The following PRSS57 variants were observed in gnomAD, a reference collection of about 807,000 sequenced individuals.
PRSS57 encodes serine protease 57, also known as neutrophil serine protease 4.
PRSS57 carries 19 observed loss-of-function variants against 20.6 expected under a neutral mutation model. The ratio of observed to expected loss-of-function variants is 0.92; its 90% CI spans 0.64 to 1.35. The LOEUF (loss-of-function observed/expected upper bound fraction) is 1.35, where lower values mean the gene tolerates loss of function less well. Ranked by LOEUF, PRSS57 falls within the 40% of genes most tolerant of loss-of-function variation. PRSS57 has a pLI of 0.00. For missense variants in PRSS57, 440 were observed against 403.7 expected (o/e 1.09, Z -0.77); for synonymous variants, 203 against 176.6 (o/e 1.15, Z -1.19).
intron 2 of PRSS57, among the ~76,000 whole-genome samples, chr19:693,432 G>A (rs928755696): frequency 5.9e-5 from 9 of 152,000 alleles, no homozygotes; most frequent in African/African-American, 1.2e-4. Context: ...TGGGGGTGAC[G>A]GCTGCCCGTC....
At chr19:694,250 A>G (rs1048065019) in intron 2 of PRSS57, among the ~76,000 whole-genome samples, 1 of 151,616 alleles carries the variant, frequency 6.6e-6, no homozygotes, top group South Asian at 2.1e-4. Flanking sequence ...CCCAATATAC[A>G]TTTTAATAGT....
Position 691,924 on chromosome 19 carries a change from G to A in PRSS57, c.312C>T (p.Ile104=), listed in dbSNP as rs575140160. 36 of 1,336,946 alleles carry A rather than the reference G, an allele frequency of 2.7e-5. No homozygotes were observed. Among genetic ancestry groups the A allele is most frequent in the Admixed American group, 1.5e-4 (5 of 32,996 alleles). The allele number at this position is 1,336,946 out of a possible 1,614,324, so 82.8% of individuals were successfully genotyped here. A position where few individuals can be genotyped will look rare whatever the true frequency, so the allele number is the denominator to read the frequency against. ...TAEPTQQVFG[I]DALTTHPDYH... The stretch of plus-strand genomic sequence containing the variant: ...AGTCGGGGTGTGTGGTGAGAGCATC[G>A]ATGCCAAACACCTGCTGGGTGGGCT... The change falls in exon 3 of 5, where the codon ATC becomes ATT. Residue 104 remains isoleucine (I), a synonymous_variant. Transcript: ENST00000329267.
chr19:694,384 A>G (rs1369322062), intron 2 of PRSS57, among the ~76,000 whole-genome samples: 1 of 151,798 alleles, frequency 6.6e-6, no homozygotes, highest in Non-Finnish European at 1.5e-5. Flanking sequence ...CCTGGCCAAC[A>G]TGGTGAAATC....
intron 2 of PRSS57, among the ~76,000 whole-genome samples, chr19:693,113 A>G (rs1316090241): frequency 6.6e-6 from 1 of 150,662 alleles, no homozygotes; most frequent in Admixed American, 6.6e-5. Context: ...ATTTTTTTTT[A>G]GTAGAGACAG....
In PRSS57 at chr19:693,229, C is replaced by CTTTTTTTTTTTTTTTT. The variant is rs1171032187; in HGVS notation, c.234-1228_234-1227insAAAAAAAAAAAAAAAA. 1.0e-4 allele frequency among the ~76,000 whole-genome samples: 11 copies of CTTTTTTTTTTTTTTTT among 109,128 alleles called. 5 individuals are homozygous for CTTTTTTTTTTTTTTTT. Among genetic ancestry groups the CTTTTTTTTTTTTTTTT allele is most frequent in the Non-Finnish European group, 1.1e-4 (6 of 54,488 alleles). 71.6% of individuals were successfully genotyped at this position (109,128 alleles called of 152,430 possible). ...TACAGGCGTGAGCCACCGCACCCGGCCTTTTTTTTTTTTTTTTTTTTGAGA... is the reference window on the plus strand; with the variant it reads ...TACAGGCGTGAGCCACCGCACCCGGCTTTTTTTTTTTTTTTTCTTTTTTTTTTTTTTTTTTTTGAGA... On this transcript the variant is annotated intron_variant, in intron 2 of 4. Transcript: ENST00000329267.
At chr19:688,344 C>CTTTT (rs370305351) in intron 3 of PRSS57, among the ~76,000 whole-genome samples, 1 of 143,526 alleles carries the variant, frequency 7.0e-6, no homozygotes, top group Non-Finnish European at 1.5e-5. Flanking sequence ...GCTCCTCCTC[C>CTTTT]TTTTTTTTTT....
At chr19:695,156 G>A (rs916500909) in intron 1 of PRSS57, among the ~76,000 whole-genome samples, 189 bp from the exon 2 acceptor site, 4 of 152,146 alleles carry the variant, frequency 2.6e-5, no homozygotes, top group African/African-American at 9.6e-5. Context: ...TCCCGAGCCC[G>A]GGAGATCCAG....
chr19:692,294 G>A (rs1326046625), intron 2 of PRSS57, among the ~76,000 whole-genome samples: 2 of 151,844 alleles, frequency 1.3e-5, no homozygotes, highest in African/African-American at 4.8e-5. Context: ...GCTTGAGCCT[G>A]GGAGGCGGAG....
At chr19:690,722 C>A in intron 3 of PRSS57, 1 of 342,046 alleles carries the variant, frequency 2.9e-6, no homozygotes, top group Admixed American at 3.8e-5. Flanking sequence ...CCACGTCGGT[C>A]TGGGTGTTGA....
Position 695,408 on chromosome 19 carries a change from C to A in PRSS57, c.23G>T (p.Trp8Leu), listed in dbSNP as rs866145890. 1 of 1,274,918 alleles carries A rather than the reference C, an allele frequency of 7.8e-7. No individual in the cohort carries two copies. Among genetic ancestry groups the A allele is most frequent in the East Asian group, 2.9e-5 (1 of 34,142 alleles). The allele number at this position is 1,274,918 out of a possible 1,614,324, so 79.0% of individuals were successfully genotyped here. A position where few individuals can be genotyped will look rare whatever the true frequency, so the allele number is the denominator to read the frequency against. MGLGLRGWGRPLLTVATA... is the reference protein window; with the variant it reads MGLGLRGLGRPLLTVATA... ...GGCCACAGTCAGCAGAGGACGTCCC[C>A]AGCCCCTCAACCCGAGCCCCATGGC... Residue 8 changes from tryptophan to leucine, a missense_variant, in exon 1 of 5, where the codon TGG becomes TTG. By Grantham distance (61) the Trp-to-Leu change is moderately conservative. Coordinates refer to ENST00000329267, the MANE Select transcript of PRSS57 (RefSeq NM_001308209.2).
chr19:685,610 T>C lies in PRSS57; in HGVS notation c.*106A>G. 8.9e-7 allele frequency: 1 copy of C among 1,123,824 alleles called. No individual in the cohort carries two copies. The allele number at this position is 1,123,824 out of a possible 1,614,324, so 69.6% of individuals were successfully genotyped here. On this transcript the variant is annotated 3_prime_UTR_variant, in exon 5 of 5. Coordinates refer to ENST00000329267, the MANE Select transcript of PRSS57 (RefSeq NM_001308209.2). ...ATGTGGAATGGGTGTGCCCCACCGC[T>C]GCCCGTCCCACCCCAACCCTGAACA...
intron 3 of PRSS57, among the ~76,000 whole-genome samples, chr19:688,282 AG>A (rs1473913055): frequency 6.6e-6 from 1 of 151,560 alleles, no homozygotes; most frequent in East Asian, 1.9e-4. Context: ...TCCAGGCTTC[AG>A]GGTTTCACAG....
chr19:686,599 G>A (rs2031479251), intron 4 of PRSS57, among the ~76,000 whole-genome samples: 1 of 152,106 alleles, frequency 6.6e-6, no homozygotes, highest in South Asian at 2.1e-4. Flanking sequence ...CAGGGCCAGT[G>A]TCTCCCTTGG....
rs1452804066 is a variant in PRSS57, at chr19:685,717, C to G, written c.848G>C (p.Ter283SerextTer55). Residue 283 changes from the stop codon to serine (S), a stop_lost, in exon 5 of 5, where the codon TGA (stop) becomes TCA (serine). Coordinates refer to ENST00000329267, the MANE Select transcript of PRSS57 (RefSeq NM_001308209.2). ...ATTTGCATGCCGCAAGGTTGTGGCTCAGGCGGCTTCTCCTGGGGGCCTGGT... is the reference window on the plus strand; with the variant it reads ...ATTTGCATGCCGCAAGGTTGTGGCTGAGGCGGCTTCTCCTGGGGGCCTGGT... ...GTTRPPGEAA[*>S] 6 of 1,536,050 alleles carry G rather than the reference C, an allele frequency of 3.9e-6. No homozygotes were observed. The East Asian group carries it at 1.5e-4, about 37-fold the overall frequency.
chr19:694,365 C>T lies in PRSS57; in HGVS notation c.233+449G>A, dbSNP rs181039054. On this transcript the variant is annotated intron_variant, in intron 2 of 4. Coordinates refer to ENST00000329267, the MANE Select transcript of PRSS57 (RefSeq NM_001308209.2). ...GGTGGATCATTTGAAGTCAGGAGTT[C>T]GAGACCAGCCTGGCCAACATGGTGA... Among the ~76,000 whole-genome samples, 628 of 151,726 alleles carry T rather than the reference C, an allele frequency of 4.1e-3. 2 individuals are homozygous for T. Among genetic ancestry groups the T allele is most frequent in the Admixed American group, 8.2e-3 (125 of 15,210 alleles).
chr19:686,100 C>T (rs2031468177), intron 4 of PRSS57, among the ~76,000 whole-genome samples, 178 bp from the exon 5 acceptor site: 1 of 152,156 alleles, frequency 6.6e-6, no homozygotes, highest in Non-Finnish European at 1.5e-5. Flanking sequence ...CTCTGCCCTC[C>T]CCGCTGAGCC....
At chr19:687,393 G>A (rs1479616852) in intron 3 of PRSS57, among the ~76,000 whole-genome samples, 1 of 152,086 alleles carries the variant, frequency 6.6e-6, no homozygotes, top group Non-Finnish European at 1.5e-5. Context: ...CTGCCCAAAG[G>A]GTCTTTCTGT....
chr19:695,411 C>G lies in PRSS57; in HGVS notation c.20G>C (p.Gly7Ala). 7.9e-7 allele frequency: 1 copy of G among 1,271,998 alleles called. No individual in the cohort carries two copies. The allele number at this position is 1,271,998 out of a possible 1,614,324, so 78.8% of individuals were successfully genotyped here. MGLGLR[G>A]WGRPLLTVAT... ...CACAGTCAGCAGAGGACGTCCCCAGCCCCTCAACCCGAGCCCCATGGCAGA... is the reference window on the plus strand; with the variant it reads ...CACAGTCAGCAGAGGACGTCCCCAGGCCCTCAACCCGAGCCCCATGGCAGA... The change falls in exon 1 of 5, where the codon GGC (glycine) becomes GCC (alanine). Residue 7 changes from glycine (G) to alanine (A), a missense_variant. Gly to Ala is a moderately conservative substitution (Grantham distance 60). Transcript: ENST00000329267.
At chr19:689,837 TGAG>T (rs1416664805) in intron 3 of PRSS57, among the ~76,000 whole-genome samples, 9 of 151,888 alleles carry the variant, frequency 5.9e-5, no homozygotes, top group Admixed American at 1.3e-4. Flanking sequence ...GCGGATCACT[TGAG>T]GACCGGAGTT....
Sources: allele counts gnomAD v4.1 joint callset (sites outside exome capture counted in the v4.1 genomes callset), GRCh38; gene constraint gnomAD v4.1.1; transcripts MANE v1.5; gene names NCBI Gene and HGNC (gene_info 2026-07-23, HGNC 2026-07-21).